MAP2K6: variants seen among roughly 807,000 people sequenced by gnomAD.
The protein encoded by MAP2K6 is dual specificity mitogen-activated protein kinase kinase 6.
A neutral mutation model predicts 53.7 loss-of-function variants in MAP2K6; 16 were observed. The observed-to-expected ratio is 0.30, with a 90% CI of 0.20 to 0.45. MAP2K6 has a LOEUF of 0.45. MAP2K6 is among the 20% of genes least tolerant of loss of function. The pLI is 1.00. For synonymous variants in MAP2K6, 132 were observed against 143.1 expected, an observed-to-expected ratio of 0.92 and a Z score of 0.55; for missense variants, 204 against 411.9, an observed-to-expected ratio of 0.50 and a Z score of 4.37.
At chr17:69,467,176 A>G (rs576002012) in intron 1 of MAP2K6, among the ~76,000 whole-genome samples, 1 of 152,360 alleles carries the variant, frequency 6.6e-6, no homozygotes, top group South Asian at 2.1e-4. Flanking sequence ...CATCCTAGGC[A>G]GTAATAAAGG....
At chr17:69,491,136 C>G (rs868162213) in intron 1 of MAP2K6, among the ~76,000 whole-genome samples, 7 of 149,456 alleles carry the variant, frequency 4.7e-5, no homozygotes, top group Non-Finnish European at 1.0e-4. Flanking sequence ...TCCTTCCTTT[C>G]TTCCTTCCCT....
chr17:69,526,115 A>C (rs1346302755), intron 9 of MAP2K6, among the ~76,000 whole-genome samples: 1 of 152,180 alleles, frequency 6.6e-6, no homozygotes, highest in Non-Finnish European at 1.5e-5. Flanking sequence ...AGTCCAAAAA[A>C]AGATCTGTCA....
intron 1 of MAP2K6, among the ~76,000 whole-genome samples, chr17:69,487,581 C>G (rs1000734436): frequency 2.6e-5 from 4 of 152,166 alleles, no homozygotes; most frequent in Non-Finnish European, 5.9e-5. Flanking sequence ...TTTAATGCCA[C>G]CAAGGTAGAT....
chr17:69,425,558 G>A (rs1307148326), intron 1 of MAP2K6, among the ~76,000 whole-genome samples: 2 of 152,084 alleles, frequency 1.3e-5, no homozygotes, highest in Non-Finnish European at 2.9e-5. Context: ...TGATTCGCCC[G>A]CCTCGGCCTC....
At chr17:69,473,419 TTTG>T (rs1220143855) in intron 1 of MAP2K6, among the ~76,000 whole-genome samples, 1 of 152,150 alleles carries the variant, frequency 6.6e-6, no homozygotes, top group Non-Finnish European at 1.5e-5. Context: ...TAGTTATAGG[TTTG>T]TGTACAAAAA....
Position 69,449,025 on chromosome 17 carries a change from C to T in MAP2K6, c.16+34025C>T, listed in dbSNP as rs1007193233. 8.5e-5 allele frequency among the ~76,000 whole-genome samples: 13 copies of T among 152,190 alleles called. No homozygotes were observed. The East Asian group carries it at 1.9e-3, about 23-fold the overall frequency. On this transcript the variant is annotated intron_variant, in intron 1 of 11. Transcript: ENST00000590474. The stretch of plus-strand genomic sequence containing the variant: ...TTACAGTCTTTGAAAGGGATACTAC[C>T]GATCTTTCGATGACAGTGGAGAAAA...
intron 4 of MAP2K6, 57 bp downstream of exon 4, chr17:69,517,670 T>C: frequency 8.3e-7 from 1 of 1,198,644 alleles, no homozygotes; most frequent in Non-Finnish European, 1.1e-6. Flanking sequence ...TTTGTCCACC[T>C]CAATTGTCAA....
chr17:69,522,218 G>A (rs1293270817), intron 7 of MAP2K6, among the ~76,000 whole-genome samples: 1 of 152,162 alleles, frequency 6.6e-6, no homozygotes, highest in Non-Finnish European at 1.5e-5. Flanking sequence ...GCCTTCCACA[G>A]TGTGCCTATT....
chr17:69,510,597 T>C (rs1909760260), intron 2 of MAP2K6, among the ~76,000 whole-genome samples: 1 of 152,164 alleles, frequency 6.6e-6, no homozygotes, highest in Non-Finnish European at 1.5e-5. Context: ...ATTTTTTTTT[T>C]CTGGGACTTT....
chr17:69,467,600 T>G (rs547596228), intron 1 of MAP2K6, among the ~76,000 whole-genome samples: 1 of 152,336 alleles, frequency 6.6e-6, no homozygotes, highest in Admixed American at 6.5e-5. Flanking sequence ...AAGTAATGCT[T>G]TTAGACTTCT....
At chr17:69,493,510 C>G (rs1217455209) in intron 1 of MAP2K6, among the ~76,000 whole-genome samples, 2 of 152,186 alleles carry the variant, frequency 1.3e-5, no homozygotes, top group Non-Finnish European at 2.9e-5. Context: ...CCTGTAATCC[C>G]AGCACTTTGG....
rs1911815811 is a variant in MAP2K6, at chr17:69,544,833, A to G, written c.*3080A>G. The G allele has an allele frequency of 6.6e-6, 1 of 152,200 alleles. No homozygotes were observed. The highest frequency in any genetic ancestry group is 6.5e-5 in the Admixed American group (1 of 15,282). 9.4% of individuals were successfully genotyped at this position (152,200 alleles called of 1,614,324 possible). A position where few individuals can be genotyped will look rare whatever the true frequency, so the allele number is the denominator to read the frequency against. ...CTTGAGAGACTACATATTTATATTC[A>G]TAATGCTATTAAATTATTTTTGCCA... On this transcript the variant is annotated 3_prime_UTR_variant, in exon 12 of 12. Coordinates refer to ENST00000590474, the MANE Select transcript of MAP2K6 (RefSeq NM_002758.4).
intron 1 of MAP2K6, among the ~76,000 whole-genome samples, chr17:69,471,046 T>C (rs1359832462): frequency 6.6e-6 from 1 of 152,202 alleles, no homozygotes; most frequent in African/African-American, 2.4e-5. Flanking sequence ...TCAGTATATG[T>C]TTTTCAATAT....
At chr17:69,497,512 A>G (rs1015021787) in intron 1 of MAP2K6, among the ~76,000 whole-genome samples, 1 of 123,526 alleles carries the variant, frequency 8.1e-6, no homozygotes, top group African/African-American at 3.2e-5. Flanking sequence ...AGATCAGTTC[A>G]TCTTGTTACA....
intron 1 of MAP2K6, among the ~76,000 whole-genome samples, chr17:69,486,310 G>C (rs569519946): frequency 6.6e-6 from 1 of 152,240 alleles, no homozygotes; most frequent in East Asian, 1.9e-4. Context: ...AGTTTCTTGG[G>C]GGAGAAAGTA....
At chr17:69,457,919 G>A (rs748626243) in intron 1 of MAP2K6, among the ~76,000 whole-genome samples, 3 of 152,222 alleles carry the variant, frequency 2.0e-5, no homozygotes, top group Admixed American at 1.3e-4. Context: ...GCACATTAAA[G>A]TTCGGGAAGC....
chr17:69,472,431 G>A (rs1004253903), intron 1 of MAP2K6, among the ~76,000 whole-genome samples: 2 of 152,116 alleles, frequency 1.3e-5, no homozygotes, highest in African/African-American at 2.4e-5. Flanking sequence ...AACCAGGGCC[G>A]CTGTCAGTGT....
At chr17:69,519,641 T>C in intron 5 of MAP2K6, 1 of 536,748 alleles carries the variant, frequency 1.9e-6, no homozygotes, top group African/African-American at 2.0e-5. Context: ...CTTTTTAAGA[T>C]GTGGAGTTTC....
At position 69,544,184 on chromosome 17, in the gene MAP2K6, C is replaced by T. The variant is rs1414446314; in HGVS notation, c.*2431C>T. The T allele has an allele frequency of 2.6e-5, 4 of 152,106 alleles. No homozygotes were observed. In the East Asian group the frequency reaches 5.8e-4, roughly 22 times the overall value. 9.4% of individuals were successfully genotyped at this position (152,106 alleles called of 1,614,324 possible). ...AACAAAAACAGGTCCTATTTCTTTC[C>T]CTGTCCTCATCAGTGGAAATCTCTT... is the stretch of plus-strand genomic sequence containing the variant. On this transcript the variant is annotated 3_prime_UTR_variant, in exon 12 of 12. Coordinates refer to ENST00000590474, the MANE Select transcript of MAP2K6 (RefSeq NM_002758.4).
Sources: allele counts gnomAD v4.1 joint callset (sites outside exome capture counted in the v4.1 genomes callset), GRCh38; gene constraint gnomAD v4.1.1; transcripts MANE v1.5; gene names NCBI Gene and HGNC (gene_info 2026-07-23, HGNC 2026-07-21).